Variants in AHI1 observed in about 807,000 individuals in gnomAD.
AHI1 encodes the protein Abelson helper integration site 1.
Under a neutral mutation model 149.3 loss-of-function variants are expected in AHI1, and 123 were observed. The ratio of observed to expected loss-of-function variants is 0.82; its 90% CI spans 0.71 to 0.96. AHI1 has a LOEUF of 0.96. AHI1 is among the 40% of genes least tolerant of loss of function. AHI1 has a pLI of 0.00. For missense variants in AHI1, 1,439 were observed against 1,422.7 expected (o/e 1.01, Z -0.18); for synonymous variants, 475 against 459.8 (o/e 1.03, Z -0.42).
chr6:135,436,301 G>A (rs987216683), intron 15 of AHI1, among the ~76,000 whole-genome samples: 5 of 151,662 alleles, frequency 3.3e-5, no homozygotes, highest in Admixed American at 3.3e-4. Context: ...AAGAGAAGAG[G>A]TTGTCAATGA....
chr6:135,375,495 G>A (rs1349203678), intron 23 of AHI1, among the ~76,000 whole-genome samples: 1 of 152,180 alleles, frequency 6.6e-6, no homozygotes, highest in African/African-American at 2.4e-5. Flanking sequence ...TCATATACAT[G>A]GTGTTGGGAC....
intron 24 of AHI1, among the ~76,000 whole-genome samples, chr6:135,327,773 G>A (rs1030962961): frequency 2.0e-5 from 3 of 152,016 alleles, no homozygotes; most frequent in South Asian, 2.1e-4. Flanking sequence ...CTGATGTCGC[G>A]GAGCTTCCAC....
intron 24 of AHI1, among the ~76,000 whole-genome samples, chr6:135,328,405 AT>A (rs2128393799): frequency 6.6e-6 from 1 of 152,106 alleles, no homozygotes; most frequent in African/African-American, 2.4e-5. Context: ...AACAGTTCAA[AT>A]TTTTCCTTTA....
At chr6:135,402,474 C>T (rs1229912839) in intron 22 of AHI1, among the ~76,000 whole-genome samples, 1 of 152,104 alleles carries the variant, frequency 6.6e-6, no homozygotes, top group African/African-American at 2.4e-5. Flanking sequence ...ACAATGAAAT[C>T]TTATTTGGCA....
At chr6:135,394,969 T>C (rs954265848) in intron 22 of AHI1, 73 bp from the exon 23 acceptor site, 3 of 1,478,114 alleles carry the variant, frequency 2.0e-6, no homozygotes, top group Non-Finnish European at 2.8e-6. Context: ...GGATGAGAAA[T>C]ATTTGCTTAT....
chr6:135,399,174 C>A (rs1452006159), intron 22 of AHI1, among the ~76,000 whole-genome samples: 2 of 152,126 alleles, frequency 1.3e-5, no homozygotes, highest in African/African-American at 4.8e-5. Flanking sequence ...CAGGGAAGAC[C>A]CTGCTTCAAA....
intron 5 of AHI1, among the ~76,000 whole-genome samples, chr6:135,479,630 A>G (rs1793281365): frequency 6.6e-6 from 1 of 152,102 alleles, no homozygotes; most frequent in Non-Finnish European, 1.5e-5. Context: ...TTGCCTTGTG[A>G]CAGATGAGAT....
At chr6:135,494,539 T>C (rs1305979882) in intron 3 of AHI1, among the ~76,000 whole-genome samples, 1 of 152,244 alleles carries the variant, frequency 6.6e-6, no homozygotes, top group Admixed American at 6.5e-5. Context: ...ACAGTGTTTT[T>C]ATAAAGATTA....
At chr6:135,458,892 C>T (rs1789417373) in intron 8 of AHI1, among the ~76,000 whole-genome samples, 1 of 152,014 alleles carries the variant, frequency 6.6e-6, no homozygotes, top group Admixed American at 6.6e-5. Context: ...AAGAAGGGCG[C>T]TGCATTATGA....
chr6:135,417,323 T>C (rs1393112040), intron 20 of AHI1, among the ~76,000 whole-genome samples: 2 of 152,046 alleles, frequency 1.3e-5, no homozygotes, highest in Non-Finnish European at 2.9e-5. Flanking sequence ...CATTTTAATA[T>C]GAGTGAGCGA....
chr6:135,490,780 T>C, intron 4 of AHI1, 33 bp from the exon 5 acceptor site: 2 of 1,608,680 alleles, frequency 1.2e-6, no homozygotes, highest in South Asian at 1.1e-5. Flanking sequence ...ATTTTGTAAA[T>C]GACTCTATCA....
intron 26 of AHI1, among the ~76,000 whole-genome samples, chr6:135,318,018 C>CTAAA (rs1284054661): frequency 1.3e-5 from 2 of 152,238 alleles, no homozygotes; most frequent in African/African-American, 2.4e-5. Context: ...ATGACACAGA[C>CTAAA]TAAAATACAT....
At chr6:135,322,445 A>G (rs1787006957) in intron 25 of AHI1, among the ~76,000 whole-genome samples, 2 of 151,376 alleles carry the variant, frequency 1.3e-5, no homozygotes, top group African/African-American at 4.9e-5. Context: ...TACAGCTTTC[A>G]GAAACTCATA....
intron 26 of AHI1, among the ~76,000 whole-genome samples, chr6:135,303,982 A>G (rs768476047): frequency 1.3e-5 from 2 of 152,224 alleles, no homozygotes; most frequent in Non-Finnish European, 2.9e-5. Flanking sequence ...AAATATTCAC[A>G]TAAGTTTGAA....
chr6:135,494,307 G>T (rs1271902892), intron 3 of AHI1, among the ~76,000 whole-genome samples: 3 of 152,182 alleles, frequency 2.0e-5, no homozygotes, highest in African/African-American at 4.8e-5. Context: ...GACAGAAGAA[G>T]CAACAATAAA....
intron 23 of AHI1, among the ~76,000 whole-genome samples, chr6:135,387,486 G>T (rs1042807528): frequency 6.6e-6 from 1 of 152,094 alleles, no homozygotes; most frequent in Non-Finnish European, 1.5e-5. Flanking sequence ...TGCCAAAGAC[G>T]GCTTAAGGGT....
intron 21 of AHI1, among the ~76,000 whole-genome samples, chr6:135,406,500 A>G (rs1253656299): frequency 1.3e-5 from 2 of 152,208 alleles, no homozygotes; most frequent in Non-Finnish European, 2.9e-5. Flanking sequence ...ACTCAACCCT[A>G]TAGGATGGTT....
At chr6:135,424,393 T>C (rs150041625) in intron 20 of AHI1, among the ~76,000 whole-genome samples, 2,182 of 152,150 alleles carry the variant, frequency 0.014, 49 homozygotes, top group African/African-American at 0.05. Context: ...GAGGTGAATA[T>C]TGATTAATAA....
chr6:135,427,054 G>T, intron 20 of AHI1, 113 bp downstream of exon 20: 5 of 1,027,092 alleles, frequency 4.9e-6, no homozygotes, highest in Non-Finnish European at 7.0e-6. Context: ...CAACATAAGG[G>T]CACAATTATT....
Sources: allele counts gnomAD v4.1 joint callset (sites outside exome capture counted in the v4.1 genomes callset), GRCh38; gene constraint gnomAD v4.1.1; transcripts MANE v1.5; gene names NCBI Gene and HGNC (gene_info 2026-07-23, HGNC 2026-07-21).